LMF1: variants seen among roughly 807,000 people sequenced by gnomAD.
LMF1 encodes lipase maturation factor 1.
In LMF1, 68 loss-of-function variants were observed where a neutral mutation model predicts 60.6. The ratio of observed to expected loss-of-function variants is 1.12; its 90% CI spans 0.92 to 1.37. The LOEUF (loss-of-function observed/expected upper bound fraction) is 1.37, where lower values mean the gene tolerates loss of function less well. Ranked by LOEUF, LMF1 falls within the 40% of genes most tolerant of loss-of-function variation. The probability of loss-of-function intolerance (pLI) is 0.00; values close to 1 mark genes in which losing one functional copy is unlikely to be tolerated. For synonymous variants in LMF1, 418 were observed against 324.7 expected (o/e 1.29, Z -3.09); for missense variants, 948 against 767.2 (o/e 1.24, Z -2.78).
chr16:957,750 G>A (rs1378627111), intron 1 of LMF1, among the ~76,000 whole-genome samples: 4 of 152,302 alleles, frequency 2.6e-5, no homozygotes, highest in African/African-American at 7.2e-5. Flanking sequence ...AGAACTCAAT[G>A]GAATGGAAGA....
At chr16:861,431 C>T (rs2069464008) in intron 10 of LMF1, among the ~76,000 whole-genome samples, 1 of 146,602 alleles carries the variant, frequency 6.8e-6, no homozygotes, top group South Asian at 2.2e-4. Context: ...AATCTCAGCT[C>T]ACTGTAACCT....
At chr16:981,464 G>C (rs1392406973), upstream of LMF1, 1 of 274,848 alleles carries the variant, frequency 3.6e-6, no homozygotes, top group Non-Finnish European at 7.8e-6. Flanking sequence ...GAGCCGCGCG[G>C]CGCCCGCAGA....
At chr16:959,519 A>T (rs1205556312) in intron 1 of LMF1, among the ~76,000 whole-genome samples, 1 of 152,204 alleles carries the variant, frequency 6.6e-6, no homozygotes, top group African/African-American at 2.4e-5. Flanking sequence ...TTCAATGTGC[A>T]CAAACTATTG....
At chr16:860,529 C>T (rs1028660786) in intron 10 of LMF1, among the ~76,000 whole-genome samples, 4 of 151,878 alleles carry the variant, frequency 2.6e-5, no homozygotes, top group Non-Finnish European at 5.9e-5. Flanking sequence ...TTAGTAGAGA[C>T]GGGGTTTTGC....
At chr16:918,508 G>A (rs1389166571) in intron 3 of LMF1, among the ~76,000 whole-genome samples, 3 of 152,354 alleles carry the variant, frequency 2.0e-5, no homozygotes, top group East Asian at 3.9e-4. Context: ...CAGGCTGGTG[G>A]GCACCACACC....
chr16:919,747 G>A (rs78130827), intron 3 of LMF1, among the ~76,000 whole-genome samples: 1,883 of 152,200 alleles, frequency 0.012, 22 homozygotes, highest in South Asian at 0.096. Context: ...GTGCAGAGAG[G>A]ACTGGGTTTC....
At chr16:927,690 C>A (rs561494044) in intron 3 of LMF1, among the ~76,000 whole-genome samples, 2 of 152,352 alleles carry the variant, frequency 1.3e-5, no homozygotes, top group Admixed American at 6.5e-5. Flanking sequence ...GCTCACCCGG[C>A]GATCGCTTCC....
intron 5 of LMF1, chr16:885,083 T>C (rs911403983): frequency 2.0e-5 from 3 of 152,222 alleles, no homozygotes; most frequent in East Asian, 1.9e-4. Flanking sequence ...TTGGCAATAA[T>C]AGCAAAAGGC....
chr16:930,989 C>T (rs897722038), intron 3 of LMF1, among the ~76,000 whole-genome samples: 9 of 151,648 alleles, frequency 5.9e-5, no homozygotes, highest in Non-Finnish European at 1.2e-4. Context: ...GGCGTGGTGG[C>T]GGGCGCCTGT....
intron 4 of LMF1, among the ~76,000 whole-genome samples, chr16:895,804 G>A (rs1421079377): frequency 6.6e-6 from 1 of 152,226 alleles, no homozygotes; most frequent in East Asian, 1.9e-4. Context: ...ACGTGAGCCA[G>A]ACGGGACACC....
intron 9 of LMF1, chr16:869,392 C>T (rs1215183525): frequency 6.8e-6 from 4 of 586,552 alleles, no homozygotes; most frequent in Non-Finnish European, 1.3e-5. Flanking sequence ...AACAGCAGCT[C>T]TGTCCATGGG....
chr16:907,445 C>T (rs887624809), intron 4 of LMF1, among the ~76,000 whole-genome samples: 9 of 152,004 alleles, frequency 5.9e-5, no homozygotes, highest in African/African-American at 2.2e-4. Flanking sequence ...TGTGTGGTGG[C>T]CTTGAGGCCT....
At chr16:910,340 C>T (rs527658890) in intron 4 of LMF1, among the ~76,000 whole-genome samples, 17 of 152,266 alleles carry the variant, frequency 1.1e-4, no homozygotes, top group African/African-American at 3.4e-4. Flanking sequence ...GGAGGGAACC[C>T]GCCACCCCCA....
At chr16:946,285 G>A (rs192196856) in intron 2 of LMF1, among the ~76,000 whole-genome samples, 298 of 152,352 alleles carry the variant, frequency 2.0e-3, no homozygotes, top group South Asian at 4.8e-3. Flanking sequence ...GGCTGGCAGC[G>A]GATGTAGCCA....
chr16:869,507 C>G, intron 9 of LMF1: 1 of 554,578 alleles, frequency 1.8e-6, no homozygotes, highest in Non-Finnish European at 3.4e-6. Flanking sequence ...TCATTTGAGG[C>G]TGCAGCGGTT....
rs764154907 is a variant in LMF1 at position 879,593 on chromosome 16, C to G, written c.874G>C (p.Gly292Arg). The G allele has an allele frequency of 1.9e-6, 3 of 1,612,928 alleles. No homozygotes were observed. Among genetic ancestry groups the G allele is most frequent in the South Asian group, 1.1e-5 (1 of 91,022 alleles). ...ACCTGGAACAGGATCTGCAGCACCCCGTGGATGATGCACGCCCGCCGGCCG... is the reference window on the plus strand; with the variant it reads ...ACCTGGAACAGGATCTGCAGCACCCGGTGGATGATGCACGCCCGCCGGCCG... ...FLGRRACIIH[G>R]VLQILFQAVL... is the part of the protein sequence containing the mutation. Residue 292 changes from glycine (G) to arginine (R), a missense_variant, in exon 6 of 11, where the codon GGG (glycine) becomes CGG (arginine). Physicochemically the swap from Gly to Arg is moderately radical, Grantham distance 125 (BLOSUM62 -2). Transcript: ENST00000262301.
chr16:930,764 A>G (rs2071758026), intron 3 of LMF1, among the ~76,000 whole-genome samples: 2 of 152,212 alleles, frequency 1.3e-5, no homozygotes, highest in African/African-American at 4.8e-5. Flanking sequence ...CTCAGAAGGC[A>G]GGGTTTGCTG....
rs545595977 is a variant in LMF1 at position 912,296 on chromosome 16, G to T, written c.515-1217C>A. On this transcript the variant is annotated intron_variant, in intron 3 of 10. Transcript: ENST00000262301. ...GGAGGGGAAGCGGACGGAGGCTTGT[G>T]GGGGCAGTGTCTACCTGCCACAGAG... 4.6e-5 allele frequency among the ~76,000 whole-genome samples: 7 copies of T among 152,208 alleles called. No homozygotes were observed. In the East Asian group the frequency reaches 7.7e-4, roughly 17 times the overall value.
intron 9 of LMF1, chr16:869,522 T>C (rs1363352106): frequency 1.8e-6 from 1 of 561,624 alleles, no homozygotes; most frequent in Admixed American, 2.2e-5. Flanking sequence ...GCGGTTGGGC[T>C]CAATCGATCC....
Sources: gnomAD v4.1 joint callset for allele counts (sites outside exome capture counted in the v4.1 genomes callset) on GRCh38, gnomAD v4.1.1 for gene constraint, MANE v1.5 for transcripts, NCBI Gene and HGNC (gene_info 2026-07-23, HGNC 2026-07-21) for gene names.